SRR: variants seen among roughly 807,000 people sequenced by gnomAD.
SRR encodes the protein serine racemase.
SRR carries 19 observed loss-of-function variants against 32.7 expected under a neutral mutation model. The ratio of observed to expected loss-of-function variants is 0.58; its 90% CI spans 0.40 to 0.85. SRR has a LOEUF of 0.85. SRR is among the 40% of genes least tolerant of loss of function. The probability of loss-of-function intolerance (pLI) is 0.00; values close to 1 mark genes in which losing one functional copy is unlikely to be tolerated. For missense variants in SRR, 373 were observed against 404.7 expected, an observed-to-expected ratio of 0.92 and a Z score of 0.67; for synonymous variants, 142 against 140.9, an observed-to-expected ratio of 1.01 and a Z score of -0.06.
chr17:2,317,202 CGG>C (rs541008061), intron 2 of SRR, among the ~76,000 whole-genome samples: 1 of 82,462 alleles, frequency 1.2e-5, no homozygotes, highest in African/African-American at 4.7e-5. Flanking sequence ...GACTCCATCT[CGG>C]GGGAAAAAAA....
chr17:2,318,533 C>T (rs1484669048), intron 3 of SRR, among the ~76,000 whole-genome samples: 11 of 147,600 alleles, frequency 7.5e-5, no homozygotes, highest in Admixed American at 2.0e-4. Flanking sequence ...GGCAGGATCT[C>T]GGCTCACTGC....
rs1012950048 is a variant in SRR at position 2,311,715 on chromosome 17, G to A, written c.-4-3842G>A. 2.0e-5 allele frequency among the ~76,000 whole-genome samples: 3 copies of A among 152,134 alleles called. No homozygotes were observed. The East Asian group carries it at 5.8e-4, about 29-fold the overall frequency. ...TGGCAACTTTGATAAAGTAATTCTA[G>A]TTCACCTGAAAGAATTGATATGTGA... On this transcript the variant is annotated intron_variant, in intron 1 of 7. Coordinates refer to ENST00000344595, the MANE Select transcript of SRR (RefSeq NM_021947.3).
At position 2,321,405 on chromosome 17, in the gene SRR, GC is replaced by G. The variant is rs770811128; in HGVS notation, c.502del (p.Leu168TrpfsTer4). 6.2e-7 allele frequency: 1 copy of G among 1,612,370 alleles called. No homozygotes were observed. Among genetic ancestry groups the G allele is most frequent in the Admixed American group, 1.7e-5 (1 of 59,654 alleles). ...PAVIAGQGTI[A>X]LEVLNQVPLV... is the part of the protein sequence containing the mutation. ...AGTGATAGCTGGACAAGGGACAATTGCCCTGGAAGTGCTGAACCAGGTAAAA... is the reference window on the plus strand; with the variant it reads ...AGTGATAGCTGGACAAGGGACAATTGCCTGGAAGTGCTGAACCAGGTAAAA... On this transcript the variant is annotated frameshift_variant, in exon 5 of 8. Coordinates refer to ENST00000344595, the MANE Select transcript of SRR (RefSeq NM_021947.3). LOFTEE classifies it high-confidence loss of function.
Position 2,324,806 on chromosome 17 carries a change from C to G in SRR, c.*933C>G. 1 of 1,613,720 alleles carries G rather than the reference C, an allele frequency of 6.2e-7. No individual in the cohort carries two copies. Among genetic ancestry groups the G allele is most frequent in the Non-Finnish European group, 8.5e-7 (1 of 1,179,940 alleles). On this transcript the variant is annotated 3_prime_UTR_variant, in exon 8 of 8. Transcript: ENST00000344595. ...TCTGGATCTACTGACATAAGATGGCCTGTAGCAATGAGGCTGTGCATTCCT... is the reference window on the plus strand; with the variant it reads ...TCTGGATCTACTGACATAAGATGGCGTGTAGCAATGAGGCTGTGCATTCCT...
chr17:2,306,479 G>C (rs1370811051), intron 1 of SRR, among the ~76,000 whole-genome samples: 1 of 152,170 alleles, frequency 6.6e-6, no homozygotes, highest in African/African-American at 2.4e-5. Flanking sequence ...CACTTTGGGA[G>C]GCCAAGGTGG....
intron 1 of SRR, chr17:2,306,890 T>C: frequency 1.1e-6 from 1 of 923,044 alleles, no homozygotes; most frequent in Non-Finnish European, 1.8e-6. Flanking sequence ...GCGGACTGTG[T>C]GGTAATGAGA....
At chr17:2,319,672 C>T (rs1597267236) in intron 4 of SRR, among the ~76,000 whole-genome samples, 1 of 152,144 alleles carries the variant, frequency 6.6e-6, no homozygotes, top group Non-Finnish European at 1.5e-5. Flanking sequence ...TCTGTGTCTA[C>T]CGTTAGCACT....
intron 6 of SRR, among the ~76,000 whole-genome samples, chr17:2,322,159 G>A (rs1487521911): frequency 6.6e-6 from 1 of 152,102 alleles, no homozygotes; most frequent in Non-Finnish European, 1.5e-5. Flanking sequence ...TGGAACTCCT[G>A]GGCTCAAGCA....
At chr17:2,315,456 C>A in intron 1 of SRR, 101 bp from the exon 2 acceptor site, 1 of 1,129,870 alleles carries the variant, frequency 8.9e-7, no homozygotes, top group Non-Finnish European at 1.2e-6. Context: ...CACATGACAC[C>A]ACAGGCCCCA....
intron 2 of SRR, among the ~76,000 whole-genome samples, chr17:2,317,497 A>G (rs1191215947): frequency 6.7e-6 from 1 of 149,398 alleles, no homozygotes; most frequent in Non-Finnish European, 1.5e-5. Context: ...GGGCTACAAC[A>G]GAGCGAGACT....
intron 2 of SRR, among the ~76,000 whole-genome samples, chr17:2,316,706 TTTTTGTTTTG>T (rs543573450): frequency 1.3e-5 from 2 of 151,236 alleles, no homozygotes; most frequent in African/African-American, 2.4e-5. Flanking sequence ...ATGAAACGCT[TTTTTGTTTTG>T]TTTTGTTTTG....
chr17:2,324,249 G>A lies in SRR; in HGVS notation c.*376G>A, dbSNP rs141591550. The A allele has an allele frequency of 1.3e-6, 2 of 1,537,942 alleles. No homozygotes were observed. Among genetic ancestry groups the A allele is most frequent in the Non-Finnish European group, 1.7e-6 (2 of 1,148,386 alleles). ...GAAGAAATCTCACTTTTCAGCCAGG[G>A]TACTGGTTCTGGTACATATGGATCA... On this transcript the variant is annotated 3_prime_UTR_variant, in exon 8 of 8. Transcript: ENST00000344595.
intron 6 of SRR, among the ~76,000 whole-genome samples, chr17:2,322,217 C>A (rs1338231453): frequency 6.6e-6 from 1 of 152,142 alleles, no homozygotes; most frequent in Non-Finnish European, 1.5e-5. Flanking sequence ...GTGTGAGCCA[C>A]CGCACCCAGC....
rs563157998 is a variant in SRR at position 2,321,983 on chromosome 17, A to C, written c.594+367A>C. Among the ~76,000 whole-genome samples, 54 of 152,268 alleles carry C rather than the reference A, an allele frequency of 3.5e-4. 1 individual carries two copies. Among genetic ancestry groups the C allele is most frequent in the Admixed American group, 2.9e-3 (44 of 15,298 alleles). On this transcript the variant is annotated intron_variant, in intron 6 of 7. Transcript: ENST00000344595. ...TTTTTAGTAGAGACAGGGTTTCACC[A>C]TGTTGGTCAGGCTGGTCTTGAACTC...
chr17:2,323,031 T>C (rs536646739), intron 6 of SRR, 105 bp from the exon 7 acceptor site: 4 of 1,207,160 alleles, frequency 3.3e-6, no homozygotes, highest in East Asian at 4.8e-5. Context: ...TCCCAAAGTG[T>C]TGGGATTACA....
Position 2,318,919 on chromosome 17 carries a change from C to A in SRR, c.389C>A (p.Pro130His). The change falls in exon 4 of 8, where the codon CCT becomes CAT. Residue 130 changes from proline to histidine, a missense_variant. Coordinates refer to ENST00000344595, the MANE Select transcript of SRR (RefSeq NM_021947.3). ...AYGASIVYCE[P>H]SDESRENVAK... Reference sequence around the variant, plus strand: ...GGAGCGTCAATTGTATACTGTGAACCTAGTGATGAGGTAAGGAGAGCAGTG... The same window carrying A: ...GGAGCGTCAATTGTATACTGTGAACATAGTGATGAGGTAAGGAGAGCAGTG... 1 of 1,611,802 alleles carries A rather than the reference C, an allele frequency of 6.2e-7. No homozygotes were observed. Among genetic ancestry groups the A allele is most frequent in the Non-Finnish European group, 8.5e-7 (1 of 1,178,036 alleles).
At chr17:2,307,475 C>T (rs1020197827) in intron 1 of SRR, 1 of 1,436,254 alleles carries the variant, frequency 7.0e-7, no homozygotes, top group Non-Finnish European at 9.7e-7. Flanking sequence ...GGATATCGTG[C>T]AGTGGGGATG....
chr17:2,310,446 G>C (rs1382345991), intron 1 of SRR, among the ~76,000 whole-genome samples: 1 of 151,934 alleles, frequency 6.6e-6, no homozygotes, highest in Non-Finnish European at 1.5e-5. Context: ...AAATTCCTGA[G>C]CTCAAGCAGT....
intron 1 of SRR, among the ~76,000 whole-genome samples, chr17:2,312,727 G>T (rs2075442091): frequency 6.6e-6 from 1 of 152,190 alleles, no homozygotes; most frequent in East Asian, 1.9e-4. Context: ...CCCTTCTGGA[G>T]ATCAGTTTGG....
Sources: gnomAD v4.1 joint callset for allele counts (sites outside exome capture counted in the v4.1 genomes callset) on GRCh38, gnomAD v4.1.1 for gene constraint, MANE v1.5 for transcripts, NCBI Gene and HGNC (gene_info 2026-07-23, HGNC 2026-07-21) for gene names.